Variants in HNRNPA1L2 observed in about 807,000 individuals in gnomAD.
The protein encoded by HNRNPA1L2 is heterogeneous nuclear ribonucleoprotein A1-like 2.
Under a neutral mutation model 18.2 loss-of-function variants are expected in HNRNPA1L2, and 10 were observed. The ratio of observed to expected loss-of-function variants is 0.55; its 90% CI spans 0.34 to 0.93. The LOEUF (loss-of-function observed/expected upper bound fraction) is 0.93, where lower values mean the gene tolerates loss of function less well. Among genes scored for constraint, HNRNPA1L2 ranks in the 40% least tolerant of loss-of-function variants. HNRNPA1L2 has a pLI of 0.02. For missense variants in HNRNPA1L2, 308 were observed against 394.4 expected (o/e 0.78, Z 1.85); for synonymous variants, 124 against 138.6 (o/e 0.89, Z 0.74).
chr13:52,633,793 CAG>C, the HNRNPA1L2 span, among the ~76,000 whole-genome samples: 1 of 152,022 alleles, frequency 6.6e-6, no homozygotes, highest in African/African-American at 2.4e-5. Flanking sequence ...GCCTAAGCGA[CAG>C]AGTGAGACCC....
the HNRNPA1L2 span, among the ~76,000 whole-genome samples, chr13:52,625,624 G>C: frequency 6.6e-6 from 1 of 152,098 alleles, no homozygotes; most frequent in Non-Finnish European, 1.5e-5. Context: ...CCTATGTTCT[G>C]TGCCTACTCT....
chr13:52,624,126 T>C, the HNRNPA1L2 span, among the ~76,000 whole-genome samples: 3 of 152,298 alleles, frequency 2.0e-5, no homozygotes, highest in African/African-American at 7.2e-5. Context: ...TGTTTTGTTT[T>C]GTTTTTGAGA....
chr13:52,630,523 G>A, the HNRNPA1L2 span, among the ~76,000 whole-genome samples: 4 of 152,022 alleles, frequency 2.6e-5, no homozygotes, highest in Admixed American at 1.3e-4. Flanking sequence ...TGCCCACCTC[G>A]GCCTCCCAAA....
At chr13:52,632,748 A>G in the HNRNPA1L2 span, among the ~76,000 whole-genome samples, 1 of 152,214 alleles carries the variant, frequency 6.6e-6, no homozygotes, top group African/African-American at 2.4e-5. Context: ...TACCTACTGG[A>G]CATTTCTGGG....
chr13:52,625,158 A>G, the HNRNPA1L2 span, among the ~76,000 whole-genome samples: 3 of 151,262 alleles, frequency 2.0e-5, no homozygotes, highest in Admixed American at 6.6e-5. Context: ...TTTTTTGCCC[A>G]GGCTGGAGTG....
At chr13:52,632,991 G>A in the HNRNPA1L2 span, among the ~76,000 whole-genome samples, 3 of 152,152 alleles carry the variant, frequency 2.0e-5, no homozygotes, top group African/African-American at 7.2e-5. Flanking sequence ...TAACCTGGTG[G>A]GAGACATACC....
At chr13:52,622,302 A>G in the HNRNPA1L2 span, 1 of 153,086 alleles carries the variant, frequency 6.5e-6, no homozygotes, top group African/African-American at 2.4e-5. Context: ...TTTGAAAGTA[A>G]TTTTTAAAAT....
chr13:52,642,846 A>G lies in HNRNPA1L2; in HGVS notation c.354A>G (p.Glu118=), dbSNP rs1961704737. The change falls in exon 1 of 1, where the codon GAA becomes GAG. Residue 118 remains glutamate (E), a synonymous_variant. Transcript: ENST00000357495. ...FVGGIKEDTE[E]HHLRDYFEQY... is the part of the protein sequence containing the mutation. ...GTGGCATTAAAGAAGACACTGAAGA[A>G]CATCACCTAAGAGATTATTTTGAAC... 2 of 1,596,582 alleles carry G rather than the reference A, an allele frequency of 1.3e-6. No individual in the cohort carries two copies. Among genetic ancestry groups the G allele is most frequent in the Non-Finnish European group, 1.7e-6 (2 of 1,179,646 alleles).
chr13:52,622,826 T>C, the HNRNPA1L2 span, among the ~76,000 whole-genome samples: 1 of 152,312 alleles, frequency 6.6e-6, no homozygotes, highest in East Asian at 1.9e-4. Flanking sequence ...CAATCAGTAA[T>C]ATCTTGGCAT....
chr13:52,643,060 T>C lies in HNRNPA1L2; in HGVS notation c.568T>C (p.Ser190Pro), dbSNP rs1310641225. ...GCCAAAGCAAGAGATGGCTAGTGCTTCATCCAGCCAAAGAGGTCGAAGGGG... is the reference window on the plus strand; with the variant it reads ...GCCAAAGCAAGAGATGGCTAGTGCTCCATCCAGCCAAAGAGGTCGAAGGGG... ...ALPKQEMASA[S>P]SSQRGRRGSG... The change falls in exon 1 of 1, where the codon TCA (serine) becomes CCA (proline). Residue 190 changes from serine to proline, a missense_variant. Physicochemically the swap from Ser to Pro is moderately conservative, Grantham distance 74 (BLOSUM62 -1). Transcript: ENST00000357495. 1 of 1,597,576 alleles carries C rather than the reference T, an allele frequency of 6.3e-7. No individual in the cohort carries two copies. Among genetic ancestry groups the C allele is most frequent in the Non-Finnish European group, 8.5e-7 (1 of 1,179,770 alleles).
the HNRNPA1L2 span, among the ~76,000 whole-genome samples, chr13:52,635,435 T>C: frequency 6.6e-6 from 1 of 151,844 alleles, no homozygotes; most frequent in Non-Finnish European, 1.5e-5. Flanking sequence ...ATATTCATTT[T>C]CTTTTTACAA....
chr13:52,634,586 C>T, the HNRNPA1L2 span, among the ~76,000 whole-genome samples: 1 of 152,170 alleles, frequency 6.6e-6, no homozygotes, highest in African/African-American at 2.4e-5. Flanking sequence ...TTGTTGTTAT[C>T]TTACCATCCC....
chr13:52,635,831 G>GTTTTT, the HNRNPA1L2 span, among the ~76,000 whole-genome samples: 1 of 131,784 alleles, frequency 7.6e-6, no homozygotes, highest in Non-Finnish European at 1.6e-5. Context: ...CTGTATTACT[G>GTTTTT]TTTTTTTTTT....
the HNRNPA1L2 span, among the ~76,000 whole-genome samples, chr13:52,628,111 A>G: frequency 2.0e-5 from 3 of 152,170 alleles, no homozygotes; most frequent in African/African-American, 4.8e-5. Context: ...TAAATCTGTT[A>G]TTCCCAATGA....
At chr13:52,639,873 CTTGTTTTTTTTTTTTTTTTT>C (rs940695972), upstream of HNRNPA1L2, among the ~76,000 whole-genome samples, 11 of 99,398 alleles carry the variant, frequency 1.1e-4, no homozygotes, top group South Asian at 3.4e-4. Flanking sequence ...TAATGTTGTT[CTTGTTTTTTTTTTTTTTTTT>C]TTGTTTTTTT....
Position 52,643,084 on chromosome 13 carries a change from G to A in HNRNPA1L2, c.592G>A (p.Gly198Ser). The A allele has an allele frequency of 6.3e-7, 1 of 1,597,716 alleles. No homozygotes were observed. The highest frequency in any genetic ancestry group is 1.7e-5 in the Admixed American group (1 of 60,016). Reference protein sequence around the residue: ...SASSSQRGRRGSGNFGGGRGD... With the variant: ...SASSSQRGRRSSGNFGGGRGD... ...TTCATCCAGCCAAAGAGGTCGAAGGGGTTCTGGAAACTTTGGTGGTGGTCG... is the reference window on the plus strand; with the variant it reads ...TTCATCCAGCCAAAGAGGTCGAAGGAGTTCTGGAAACTTTGGTGGTGGTCG... Residue 198 changes from glycine (G) to serine (S), a missense_variant, in exon 1 of 1, where the codon GGT becomes AGT. Transcript: ENST00000357495.
chr13:52,643,453 T>G lies in HNRNPA1L2; in HGVS notation c.961T>G (p.Ter321GluextTer6). ...SSSYGSGRRF[*>E] ...TAGCTATGGCAGTGGCAGAAGATTTTAATTAGGAAACAAAGCTTAGCAGGA... is the reference window on the plus strand; with the variant it reads ...TAGCTATGGCAGTGGCAGAAGATTTGAATTAGGAAACAAAGCTTAGCAGGA... Residue 321 changes from the stop codon to glutamate (E), a stop_lost, in exon 1 of 1, where the codon TAA becomes GAA. Coordinates refer to ENST00000357495, the MANE Select transcript of HNRNPA1L2 (RefSeq NM_001389320.1). The G allele has an allele frequency of 6.3e-7, 1 of 1,597,024 alleles. No homozygotes were observed. The highest frequency in any genetic ancestry group is 2.2e-5 in the East Asian group (1 of 44,868).
upstream of HNRNPA1L2, among the ~76,000 whole-genome samples, chr13:52,640,554 A>G (rs182182721): frequency 1.3e-5 from 2 of 152,320 alleles, no homozygotes; most frequent in East Asian, 1.9e-4. Context: ...TTGTCCCTCA[A>G]TGTTGCTCTA....
the HNRNPA1L2 span, among the ~76,000 whole-genome samples, chr13:52,622,540 T>C: frequency 1.3e-5 from 2 of 152,228 alleles, no homozygotes; most frequent in Non-Finnish European, 2.9e-5. Context: ...TACATACTTA[T>C]TGGTGTTATT....
Sources: gnomAD v4.1 joint callset for allele counts (sites outside exome capture counted in the v4.1 genomes callset) on GRCh38, gnomAD v4.1.1 for gene constraint, MANE v1.5 for transcripts, NCBI Gene and HGNC (gene_info 2026-07-23, HGNC 2026-07-21) for gene names.